EVL: variants seen among roughly 807,000 people sequenced by gnomAD.
EVL encodes the protein ena/VASP-like protein.
Under a neutral mutation model 59.6 loss-of-function variants are expected in EVL, and 21 were observed. That is an observed-to-expected ratio of 0.35 (90% CI 0.25 to 0.51). The LOEUF is 0.51. Ranked by LOEUF, EVL falls within the 20% of genes least tolerant of loss-of-function variation. The probability of loss-of-function intolerance (pLI) is 0.97; values close to 1 mark genes in which losing one functional copy is unlikely to be tolerated. For synonymous variants in EVL, 198 were observed against 203.5 expected, an observed-to-expected ratio of 0.97 and a Z score of 0.23; for missense variants, 462 against 546.6, an observed-to-expected ratio of 0.85 and a Z score of 1.54.
intron 1 of EVL, among the ~76,000 whole-genome samples, chr14:100,075,482 C>G (rs1431926484): frequency 2.0e-5 from 3 of 152,230 alleles, no homozygotes; most frequent in Non-Finnish European, 4.4e-5. Flanking sequence ...TTCTGCCTAG[C>G]TTTGGGAACA....
At chr14:100,141,079 GA>G in intron 11 of EVL, 100 bp from the exon 12 acceptor site, 1 of 1,132,736 alleles carries the variant, frequency 8.8e-7, no homozygotes, top group Non-Finnish European at 1.3e-6. Flanking sequence ...TCTATGGAGC[GA>G]GGGGAGCAGG....
At chr14:99,990,035 A>G (rs979126520) in intron 1 of EVL, among the ~76,000 whole-genome samples, 13 of 152,200 alleles carry the variant, frequency 8.5e-5, no homozygotes, top group African/African-American at 1.4e-4. Context: ...AAAATATGGC[A>G]ATCATTTCCC....
At position 100,143,886 on chromosome 14, in the gene EVL, T is replaced by C. The variant is rs941751859; in HGVS notation, c.*148T>C. 3 of 910,620 alleles carry C rather than the reference T, an allele frequency of 3.3e-6. No individual in the cohort carries two copies. The highest frequency in any genetic ancestry group is 3.3e-5 in the African/African-American group (2 of 60,106). The allele number at this position is 910,620 out of a possible 1,614,324, so 56.4% of individuals were successfully genotyped here. A position where few individuals can be genotyped will look rare whatever the true frequency, so the allele number is the denominator to read the frequency against. The stretch of plus-strand genomic sequence containing the variant: ...AAACGTCCTGACCTGTGATCACACA[T>C]GACAGTGAGGAAACCAAGTGCAACT... On this transcript the variant is annotated 3_prime_UTR_variant, in exon 14 of 14. Transcript: ENST00000392920.
intron 1 of EVL, among the ~76,000 whole-genome samples, chr14:100,047,118 C>CTT (rs869205625): frequency 8.4e-5 from 2 of 23,892 alleles, no homozygotes; most frequent in East Asian, 6.3e-4. Flanking sequence ...ATCTCTCTCT[C>CTT]TTTTTTTTTT....
At chr14:99,978,931 T>A (rs2060788322) in intron 1 of EVL, among the ~76,000 whole-genome samples, 1 of 152,170 alleles carries the variant, frequency 6.6e-6, no homozygotes, top group Non-Finnish European at 1.5e-5. Flanking sequence ...CCACTTATTT[T>A]AGCAAAAAAG....
At chr14:99,975,483 T>G (rs1207879099) in intron 1 of EVL, among the ~76,000 whole-genome samples, 1 of 152,228 alleles carries the variant, frequency 6.6e-6, no homozygotes, top group Non-Finnish European at 1.5e-5. Flanking sequence ...CAGTGATATA[T>G]GTGAGACCAG....
intron 3 of EVL, among the ~76,000 whole-genome samples, chr14:100,123,194 A>C (rs1453531596): frequency 6.6e-6 from 1 of 152,214 alleles, no homozygotes; most frequent in Non-Finnish European, 1.5e-5. Context: ...ATTCAATGTT[A>C]AAGGGTTGAG....
In EVL at chr14:99,985,446, A is replaced by G. The variant is rs1047471341; in HGVS notation, c.5+13389A>G. Among the ~76,000 whole-genome samples, 18 of 152,146 alleles carry G rather than the reference A, an allele frequency of 1.2e-4. No homozygotes were observed. In the East Asian group the frequency reaches 3.3e-3, roughly 28 times the overall value. On this transcript the variant is annotated intron_variant, in intron 1 of 13. Coordinates refer to the EVL transcript ENST00000402714. ...CAGATGCTTGAAGACAATGGACTTC[A>G]GTAAGTCTTGCCTTTTCTTGGTTAA... is the stretch of plus-strand genomic sequence containing the variant.
At chr14:100,015,133 T>G (rs907493560) in intron 1 of EVL, among the ~76,000 whole-genome samples, 2 of 152,184 alleles carry the variant, frequency 1.3e-5, no homozygotes, top group African/African-American at 4.8e-5. Flanking sequence ...GCAGAGGAAA[T>G]GTTGATTGTA....
At chr14:100,113,639 A>G (rs997289088) in intron 3 of EVL, among the ~76,000 whole-genome samples, 1 of 152,172 alleles carries the variant, frequency 6.6e-6, no homozygotes, top group Non-Finnish European at 1.5e-5. Flanking sequence ...CAAGGCAGCA[A>G]GTGTGAGGGG....
intron 9 of EVL, chr14:100,137,199 A>G (rs527656928): frequency 2.9e-4 from 82 of 279,998 alleles, no homozygotes; most frequent in African/African-American, 1.7e-3. Context: ...GGAGCCCCTC[A>G]GTAGCAGGTG....
rs996903322 is a variant in EVL, at chr14:100,127,869, C to T, written c.488-650C>T. 1.3e-5 allele frequency among the ~76,000 whole-genome samples: 2 copies of T among 152,234 alleles called. No homozygotes were observed. Among genetic ancestry groups the T allele is most frequent in the Non-Finnish European group, 2.9e-5 (2 of 68,040 alleles). ...TCCATCTGCGTTTACCTCTGCGATTCGTTGACTGTTCCTCATAGGCTGTGA... is the reference window on the plus strand; with the variant it reads ...TCCATCTGCGTTTACCTCTGCGATTTGTTGACTGTTCCTCATAGGCTGTGA... On this transcript the variant is annotated intron_variant, in intron 5 of 13. Transcript: ENST00000392920. The surrounding 1 kb of genome is among the most constrained non-coding windows in gnomAD (Gnocchi z 4.2).
intron 1 of EVL, among the ~76,000 whole-genome samples, chr14:99,993,685 CTTTTTTTTTTTTT>C (rs532512303): frequency 2.6e-5 from 2 of 78,306 alleles, no homozygotes; most frequent in Non-Finnish European, 4.7e-5. Flanking sequence ...TTCTTTCTTT[CTTTTTTTTTTTTT>C]TTTTTTTTTT....
intron 1 of EVL, among the ~76,000 whole-genome samples, chr14:100,046,778 A>T: frequency 7.9e-6 from 1 of 126,958 alleles, no homozygotes; most frequent in South Asian, 2.6e-4. Context: ...TTTGAGGAAG[A>T]GTCTTGCTCT....
At chr14:100,011,891 A>G (rs914909700) in intron 1 of EVL, among the ~76,000 whole-genome samples, 2 of 152,338 alleles carry the variant, frequency 1.3e-5, no homozygotes, top group Admixed American at 1.3e-4. Flanking sequence ...AGCACTTAAA[A>G]TTTACGAAAG....
At chr14:99,975,790 G>T (rs543962623) in intron 1 of EVL, among the ~76,000 whole-genome samples, 1 of 152,168 alleles carries the variant, frequency 6.6e-6, no homozygotes, top group Non-Finnish European at 1.5e-5. Context: ...GCCATGGACC[G>T]ATACTAGTTC....
In EVL at chr14:100,038,771, G is replaced by GGGGTGTGTGT. The variant is rs375810603; in HGVS notation, c.6-45915_6-45914insGGTGTGTGTG. ...TAGTACCCTGTGTGCTGTGCCCTGG[G>GGGGTGTGTGT]GTGTGTGTGTGTGTGTGTGTGTGTG... On this transcript the variant is annotated intron_variant, in intron 1 of 13. Transcript: ENST00000402714. 7.1e-3 allele frequency among the ~76,000 whole-genome samples: 1,000 copies of GGGGTGTGTGT among 140,996 alleles called. 6 individuals carry two copies. The highest frequency in any genetic ancestry group is 0.023 in the African/African-American group (897 of 38,442). The allele number at this position is 140,996 out of a possible 152,430, so 92.5% of individuals were successfully genotyped here.
At chr14:100,058,053 A>T (rs2061762011) in intron 1 of EVL, among the ~76,000 whole-genome samples, 2 of 152,230 alleles carry the variant, frequency 1.3e-5, no homozygotes, top group Non-Finnish European at 2.9e-5. Context: ...AAACATCCCA[A>T]TGAGAAAGAA....
intron 2 of EVL, among the ~76,000 whole-genome samples, chr14:100,093,226 A>G (rs1271065919): frequency 2.6e-5 from 4 of 152,214 alleles, no homozygotes; most frequent in Non-Finnish European, 5.9e-5. Context: ...CAAATAATAA[A>G]TATAAATTTT....
Sources: allele counts gnomAD v4.1 joint callset (sites outside exome capture counted in the v4.1 genomes callset), GRCh38; gene constraint gnomAD v4.1.1; non-coding constraint Gnocchi (gnomAD v3.1); transcripts MANE v1.5; gene names NCBI Gene and HGNC (gene_info 2026-07-23, HGNC 2026-07-21).